The following MGAT4C variants were observed in gnomAD, a reference collection of about 807,000 sequenced individuals.
The protein encoded by MGAT4C is MGAT4 family member C.
MGAT4C carries 19 observed loss-of-function variants against 40.1 expected under a neutral mutation model. That is an observed-to-expected ratio of 0.47 (90% confidence interval 0.33 to 0.70). MGAT4C has a LOEUF of 0.70. Ranked by LOEUF, MGAT4C falls within the 30% of genes least tolerant of loss-of-function variation. The pLI is 0.02. For missense variants in MGAT4C, 491 were observed against 563.2 expected, an observed-to-expected ratio of 0.87 and a Z score of 1.30; for synonymous variants, 181 against 187.1, an observed-to-expected ratio of 0.97 and a Z score of 0.27.
At chr12:86,151,611 A>C (rs1173067199) in intron 1 of MGAT4C, among the ~76,000 whole-genome samples, 2 of 152,122 alleles carry the variant, frequency 1.3e-5, no homozygotes, top group East Asian at 1.9e-4. Context: ...GAAAAAAAAA[A>C]ATGGACACTA....
Position 85,998,061 on chromosome 12 carries a change from A to G in MGAT4C, c.-6-8509T>C, listed in dbSNP as rs1886835816. 2.0e-5 allele frequency among the ~76,000 whole-genome samples: 3 copies of G among 152,236 alleles called. No individual in the cohort carries two copies. In the South Asian group the frequency reaches 6.2e-4, roughly 32 times the overall value. Reference sequence around the variant, plus strand: ...TCCATACATCCTCTGAAATCTATGCAGAGGTTCCCAAACCCTGATTCTTCA... The same window carrying G: ...TCCATACATCCTCTGAAATCTATGCGGAGGTTCCCAAACCCTGATTCTTCA... On this transcript the variant is annotated intron_variant, in intron 2 of 4. Transcript: ENST00000611864.
intron 2 of MGAT4C, among the ~76,000 whole-genome samples, chr12:86,023,799 C>A (rs1890002557): frequency 6.6e-6 from 1 of 151,306 alleles, no homozygotes; most frequent in South Asian, 2.1e-4. Flanking sequence ...GAATAATTAC[C>A]AAGTGTTTGT....
chr12:86,309,718 G>T (rs978459905), intron 4 of MGAT4C, among the ~76,000 whole-genome samples: 2 of 152,158 alleles, frequency 1.3e-5, no homozygotes, highest in South Asian at 4.1e-4. Flanking sequence ...CTAAATTGTT[G>T]GTGGCAATAT....
intron 1 of MGAT4C, among the ~76,000 whole-genome samples, chr12:86,208,903 A>G (rs953514485): frequency 3.9e-5 from 6 of 152,146 alleles, no homozygotes; most frequent in Admixed American, 3.3e-4. Flanking sequence ...ATAAACTCAA[A>G]AAGGACCTAT....
In MGAT4C at chr12:85,978,635, T is replaced by C. The variant is rs1023084161; in HGVS notation, c.*654A>G. ...AAGACTGCTTCCCCCAGAAAATTTA[T>C]CAACAATAGGTGCTCAATTAAATGT... is the stretch of plus-strand genomic sequence containing the variant. On this transcript the variant is annotated 3_prime_UTR_variant, in exon 5 of 5. Coordinates refer to ENST00000611864, the MANE Select transcript of MGAT4C (RefSeq NM_001351288.2). 6.6e-6 allele frequency: 1 copy of C among 151,936 alleles called. No individual in the cohort carries two copies. The highest frequency in any genetic ancestry group is 1.5e-5 in the Non-Finnish European group (1 of 67,604). 9.4% of individuals were successfully genotyped at this position (151,936 alleles called of 1,614,324 possible). A position where few individuals can be genotyped will look rare whatever the true frequency, so the allele number is the denominator to read the frequency against.
At chr12:86,408,791 G>A (rs1956541781) in intron 3 of MGAT4C, among the ~76,000 whole-genome samples, 1 of 151,844 alleles carries the variant, frequency 6.6e-6, no homozygotes. Flanking sequence ...AAAAAGGAGA[G>A]ATAGAACTTC....
intron 4 of MGAT4C, among the ~76,000 whole-genome samples, chr12:86,294,384 C>T (rs998663412): frequency 1.3e-5 from 2 of 151,644 alleles, no homozygotes; most frequent in East Asian, 3.9e-4. Flanking sequence ...TAATCTAAAT[C>T]CTTGCTTTTA....
intron 2 of MGAT4C, among the ~76,000 whole-genome samples, chr12:86,524,915 A>G (rs1452374393): frequency 6.6e-6 from 1 of 152,170 alleles, no homozygotes; most frequent in Admixed American, 6.5e-5. Flanking sequence ...GCTCTATCAG[A>G]TCAGTTACAT....
At chr12:86,188,487 T>C (rs1889020279) in intron 1 of MGAT4C, among the ~76,000 whole-genome samples, 1 of 151,902 alleles carries the variant, frequency 6.6e-6, no homozygotes, top group Non-Finnish European at 1.5e-5. Context: ...CTTTAGATTC[T>C]TAGGCACTAT....
intron 2 of MGAT4C, among the ~76,000 whole-genome samples, chr12:86,483,740 T>C (rs1321942647): frequency 6.7e-6 from 1 of 149,584 alleles, no homozygotes; most frequent in Non-Finnish European, 1.5e-5. Context: ...AGCCTGTAAG[T>C]CTCCTACTTG....
chr12:86,818,262 AT>A (rs995391002), intron 1 of MGAT4C, among the ~76,000 whole-genome samples: 9 of 151,384 alleles, frequency 5.9e-5, no homozygotes, highest in African/African-American at 2.2e-4. Flanking sequence ...AACATAAAAA[AT>A]AGTCTTAAAA....
intron 3 of MGAT4C, among the ~76,000 whole-genome samples, chr12:86,386,376 A>G (rs1427358164): frequency 6.6e-6 from 1 of 152,096 alleles, no homozygotes; most frequent in Non-Finnish European, 1.5e-5. Flanking sequence ...ATGAATACCT[A>G]AAAAAATGGG....
chr12:86,169,799 C>G (rs1437667268), intron 1 of MGAT4C, among the ~76,000 whole-genome samples: 2 of 152,106 alleles, frequency 1.3e-5, no homozygotes, highest in Admixed American at 1.3e-4. Flanking sequence ...ATATTTCACT[C>G]TCAAAAACTA....
chr12:86,808,450 C>A (rs1439715685), intron 1 of MGAT4C, among the ~76,000 whole-genome samples: 7 of 152,076 alleles, frequency 4.6e-5, no homozygotes, highest in Non-Finnish European at 8.8e-5. Context: ...TTGGCTTCAT[C>A]CCCAGGATGC....
intron 2 of MGAT4C, among the ~76,000 whole-genome samples, chr12:86,594,752 A>G (rs1400023929): frequency 6.6e-6 from 1 of 152,232 alleles, no homozygotes; most frequent in African/African-American, 2.4e-5. Flanking sequence ...ATGTGACCTG[A>G]CAGCATTTAT....
At chr12:86,097,364 C>T (rs1307089954) in intron 1 of MGAT4C, among the ~76,000 whole-genome samples, 1 of 151,666 alleles carries the variant, frequency 6.6e-6, no homozygotes, top group Non-Finnish European at 1.5e-5. Flanking sequence ...AAAGGCACCA[C>T]ATTGACTTTA....
chr12:86,114,220 G>A (rs1183669193), intron 1 of MGAT4C, among the ~76,000 whole-genome samples: 1 of 151,650 alleles, frequency 6.6e-6, no homozygotes, highest in Non-Finnish European at 1.5e-5. Flanking sequence ...GTTCTGCTCT[G>A]GCTTCTTCTT....
rs184154229 is a variant in MGAT4C at position 86,373,116 on chromosome 12, A to G, written c.-119-38989T>C. On this transcript the variant is annotated intron_variant, in intron 3 of 7. Coordinates refer to the MGAT4C transcript ENST00000548651. Reference sequence around the variant, plus strand: ...TAATTTTTATAGGAGCACTATAAACAAAACCTTACTATACTCTCACAAGTG... The same window carrying G: ...TAATTTTTATAGGAGCACTATAAACGAAACCTTACTATACTCTCACAAGTG... Among the ~76,000 whole-genome samples, 325 of 152,024 alleles carry G rather than the reference A, an allele frequency of 2.1e-3. 5 individuals carry two copies. The highest frequency in any genetic ancestry group is 0.019 in the Admixed American group (290 of 15,272).
Position 86,572,347 on chromosome 12 carries a change from C to T in MGAT4C, c.-228-137082G>A, listed in dbSNP as rs190270933. On this transcript the variant is annotated intron_variant, in intron 2 of 7. Coordinates refer to the MGAT4C transcript ENST00000548651. ...CCCTTCTTTCCCTCACATCCTATTCCTTTTGTACTCAATCAGTCATACAAT... is the reference window on the plus strand; with the variant it reads ...CCCTTCTTTCCCTCACATCCTATTCTTTTTGTACTCAATCAGTCATACAAT... Among the ~76,000 whole-genome samples, 1,232 of 152,150 alleles carry T rather than the reference C, an allele frequency of 8.1e-3. 11 individuals are homozygous for T. Among genetic ancestry groups the T allele is most frequent in the Admixed American group, 0.012 (188 of 15,240 alleles).
Sources: allele counts gnomAD v4.1 joint callset (sites outside exome capture counted in the v4.1 genomes callset), GRCh38; gene constraint gnomAD v4.1.1; transcripts MANE v1.5; gene names NCBI Gene and HGNC (gene_info 2026-07-23, HGNC 2026-07-21).